The following ABCA12 variants were observed in gnomAD, a reference collection of about 807,000 sequenced individuals.
ABCA12 encodes the protein glucosylceramide transporter ABCA12.
ABCA12 carries 156 observed loss-of-function variants against 293.5 expected under a neutral mutation model. The observed-to-expected ratio is 0.53, with a 90% CI of 0.47 to 0.61. The LOEUF (loss-of-function observed/expected upper bound fraction) is 0.61, where lower values mean the gene tolerates loss of function less well. Among genes scored for constraint, ABCA12 ranks in the 20% least tolerant of loss-of-function variants. ABCA12 has a pLI of 0.00. For missense variants in ABCA12, 2,797 were observed against 3,090.2 expected (o/e 0.91, Z 2.25); for synonymous variants, 1,063 against 1,108.0 (o/e 0.96, Z 0.81).
In ABCA12 at chr2:215,012,104, A is replaced by G; in HGVS notation, c.1988T>C (p.Val663Ala). 1 of 1,613,936 alleles carries G rather than the reference A, an allele frequency of 6.2e-7. No homozygotes were observed. The highest frequency in any genetic ancestry group is 8.5e-7 in the Non-Finnish European group (1 of 1,179,894). Residue 663 changes from valine (V) to alanine (A), a missense_variant, in exon 16 of 53, where the codon GTA (valine) becomes GCA (alanine). Transcript: ENST00000272895. ...TATGAAGAGCTCCATCATCTTTTCTACTGGCTTTTGATCTTTCCTCGGGAA... is the reference window on the plus strand; with the variant it reads ...TATGAAGAGCTCCATCATCTTTTCTGCTGGCTTTTGATCTTTCCTCGGGAA... The part of the protein sequence containing the change: ...VFFPRKDQKP[V>A]EKMMELFIRL...
Position 215,018,029 on chromosome 2 carries a change from G to A in ABCA12, c.1761C>T (p.Pro587=), listed in dbSNP as rs773537146. The A allele has an allele frequency of 1.3e-5, 21 of 1,613,986 alleles. No homozygotes were observed. Among genetic ancestry groups the A allele is most frequent in the Admixed American group, 3.3e-5 (2 of 60,004 alleles). Residue 587 remains proline (P), a synonymous_variant, in exon 14 of 53, where the codon CCC becomes CCT. Coordinates refer to ENST00000272895, the MANE Select transcript of ABCA12 (RefSeq NM_173076.3). ...NRTIDKLLAI[P]IPDNRAEIIS... ...CCACCTCAGCTCTATTATCAGGGAT[G>A]GGAATGGCCAGCAACTTGTCAATAG...
chr2:215,038,570 G>T (rs1233682513), intron 7 of ABCA12, among the ~76,000 whole-genome samples: 1 of 152,156 alleles, frequency 6.6e-6, no homozygotes, highest in Non-Finnish European at 1.5e-5. Flanking sequence ...TACATGACTG[G>T]TGACACCTCA....
chr2:215,085,013 G>A (rs1051303916), intron 2 of ABCA12, among the ~76,000 whole-genome samples: 40 of 146,542 alleles, frequency 2.7e-4, no homozygotes, highest in African/African-American at 1.0e-4. Flanking sequence ...AGAGTGGCTC[G>A]ACCCCAGGAG....
intron 39 of ABCA12, among the ~76,000 whole-genome samples, chr2:214,965,709 A>G (rs1282623934): frequency 6.6e-6 from 1 of 152,214 alleles, no homozygotes; most frequent in East Asian, 1.9e-4. Context: ...CAGAATGGCT[A>G]TTAGTAAAAA....
At chr2:215,061,837 A>C (rs1192898080) in intron 3 of ABCA12, among the ~76,000 whole-genome samples, 1 of 152,158 alleles carries the variant, frequency 6.6e-6, no homozygotes, top group African/African-American at 2.4e-5. Context: ...TCCAAAACCA[A>C]CTCAGTGTCT....
intron 3 of ABCA12, among the ~76,000 whole-genome samples, chr2:215,062,682 C>G: frequency 7.5e-6 from 1 of 133,552 alleles, no homozygotes; most frequent in East Asian, 2.1e-4. Context: ...TTTGCTGTTT[C>G]TCGGCATGCA....
At chr2:214,958,842 C>T (rs1220435469) in intron 40 of ABCA12, among the ~76,000 whole-genome samples, 182 bp downstream of exon 40, 1 of 152,124 alleles carries the variant, frequency 6.6e-6, no homozygotes, top group Non-Finnish European at 1.5e-5. Flanking sequence ...TCAACAAGCT[C>T]TACTTGGCAA....
rs1158689741 is a variant in ABCA12 at position 214,942,913 on chromosome 2, T to A, written c.7436+12A>T. ...CCAACACTATCTGTTAAGCAATGCA[T>A]TTGTTCTTCACCTGCTCTTTATGTG... On this transcript the variant is annotated intron_variant, in intron 50 of 52. Transcript: ENST00000272895. 6.2e-7 allele frequency: 1 copy of A among 1,611,230 alleles called. No individual in the cohort carries two copies. Among genetic ancestry groups the A allele is most frequent in the East Asian group, 2.2e-5 (1 of 44,748 alleles).
At position 215,004,236 on chromosome 2, in the gene ABCA12, C is replaced by T. The variant is rs1455466611; in HGVS notation, c.2656G>A (p.Glu886Lys). Reference protein sequence around the residue: ...VKFSVGLDAVELLKQIDELDI... With the variant: ...VKFSVGLDAVKLLKQIDELDI... ...AGTTCATCTATCTGTTTCAATAGTT[C>T]AACAGCATCGAGTCCCACGGAGAAC... is the stretch of plus-strand genomic sequence containing the variant. Residue 886 changes from glutamate to lysine, a missense_variant, in exon 20 of 53, where the codon GAA becomes AAA. This residue lies in a region of ABCA12 where 2,130 missense variants were observed against 2,427.0 expected (regional missense o/e 0.88). Coordinates refer to ENST00000272895, the MANE Select transcript of ABCA12 (RefSeq NM_173076.3). 1 of 1,613,902 alleles carries T rather than the reference C, an allele frequency of 6.2e-7. No individual in the cohort carries two copies. Among genetic ancestry groups the T allele is most frequent in the Admixed American group, 1.7e-5 (1 of 60,016 alleles).
At chr2:215,045,025 A>G (rs1701173347) in intron 7 of ABCA12, among the ~76,000 whole-genome samples, 1 of 152,184 alleles carries the variant, frequency 6.6e-6, no homozygotes, top group South Asian at 2.1e-4. Flanking sequence ...AGGACTGTTA[A>G]TCTAATTTAT....
intron 9 of ABCA12, among the ~76,000 whole-genome samples, chr2:215,030,422 G>A (rs1033412055): frequency 4.0e-5 from 6 of 148,618 alleles, no homozygotes; most frequent in Non-Finnish European, 5.9e-5. Flanking sequence ...GTGAAACCCC[G>A]TCTCTACTAA....
rs1699568936 is a variant in ABCA12, at chr2:214,978,364, T to A, written c.5080A>T (p.Thr1694Ser). The change falls in exon 33 of 53, where the codon ACT becomes TCT. Residue 1694 changes from threonine (T) to serine (S), a missense_variant. Transcript: ENST00000272895. ...CTGCTCACAGATAAATCGTCAGGAG[T>A]TGAGATGCCATTGGCATTGGAATTC... is the stretch of plus-strand genomic sequence containing the variant. ...IGNSNANGIS[T>S]PDDLSVSSSN... is the part of the protein sequence containing the mutation. The A allele has an allele frequency of 6.2e-7, 1 of 1,613,944 alleles. No individual in the cohort carries two copies. Among genetic ancestry groups the A allele is most frequent in the Non-Finnish European group, 8.5e-7 (1 of 1,179,964 alleles).
intron 2 of ABCA12, among the ~76,000 whole-genome samples, chr2:215,106,598 T>C (rs1702467994): frequency 6.6e-6 from 1 of 152,192 alleles, no homozygotes; most frequent in Non-Finnish European, 1.5e-5. Flanking sequence ...GGGACAATTC[T>C]ATTACAAGGT....
chr2:214,953,747 A>C (rs1574937355), intron 44 of ABCA12, 107 bp downstream of exon 44: 1 of 1,409,296 alleles, frequency 7.1e-7, no homozygotes, highest in East Asian at 2.5e-5. Context: ...TTTGAGCCAA[A>C]CATTTCCATA....
chr2:215,084,742 T>C (rs1486830414), intron 2 of ABCA12, among the ~76,000 whole-genome samples: 1 of 152,168 alleles, frequency 6.6e-6, no homozygotes, highest in Non-Finnish European at 1.5e-5. Flanking sequence ...AAGTTTTATA[T>C]GTATGCCATA....
intron 2 of ABCA12, chr2:215,075,645 T>C (rs1701820748): frequency 1.5e-6 from 1 of 657,796 alleles, no homozygotes; most frequent in Non-Finnish European, 2.7e-6. Context: ...CATGTTCAAG[T>C]ATTAAGCACT....
chr2:214,946,118 G>A (rs1197089241), intron 48 of ABCA12, among the ~76,000 whole-genome samples: 1 of 151,968 alleles, frequency 6.6e-6, no homozygotes, highest in Admixed American at 6.6e-5. Flanking sequence ...TGAGGTGATA[G>A]ATAAGCTAAT....
intron 3 of ABCA12, among the ~76,000 whole-genome samples, chr2:215,061,339 C>A (rs1255962052): frequency 6.6e-6 from 1 of 151,898 alleles, no homozygotes; most frequent in Non-Finnish European, 1.5e-5. Flanking sequence ...TGGCGACTGG[C>A]CAACAAGTAG....
intron 3 of ABCA12, among the ~76,000 whole-genome samples, chr2:215,061,580 ATATAAAG>A (rs1473400367): frequency 6.6e-6 from 1 of 152,140 alleles, no homozygotes; most frequent in Non-Finnish European, 1.5e-5. Flanking sequence ...TTGCACAGCT[ATATAAAG>A]CATAAAAGTT....
Sources: gnomAD v4.1 joint callset for allele counts (sites outside exome capture counted in the v4.1 genomes callset) on GRCh38, gnomAD v4.1.1 for gene constraint, gnomAD v4.1.1 regional missense constraint, MANE v1.5 for transcripts, NCBI Gene and HGNC (gene_info 2026-07-23, HGNC 2026-07-21) for gene names.